The following PGBD5 variants were observed in gnomAD, a reference collection of about 807,000 sequenced individuals.
PGBD5 encodes the protein piggyBac transposable element-derived protein 5.
A neutral mutation model predicts 47.9 loss-of-function variants in PGBD5; 14 were observed. That is an observed-to-expected ratio of 0.29 (90% CI 0.19 to 0.46). The LOEUF is 0.46. PGBD5 is among the 20% of genes least tolerant of loss of function. The pLI, the probability that PGBD5 is intolerant of heterozygous loss-of-function variation, is 1.00. For synonymous variants in PGBD5, 316 were observed against 306.3 expected (o/e 1.03, Z -0.33); for missense variants, 635 against 716.0 (o/e 0.89, Z 1.29).
chr1:230,329,074 C>G (rs115477582), intron 5 of PGBD5, among the ~76,000 whole-genome samples: 88 of 152,076 alleles, frequency 5.8e-4, no homozygotes, highest in African/African-American at 2.0e-3. Context: ...CCCCACCCCC[C>G]AGTAGCTTGG....
intron 1 of PGBD5, among the ~76,000 whole-genome samples, chr1:230,384,816 TC>T (rs1444660234): frequency 2.0e-5 from 3 of 152,174 alleles, no homozygotes; most frequent in Non-Finnish European, 4.4e-5. Flanking sequence ...CTTCTCTACC[TC>T]CCTTCCTCCT....
intron 3 of PGBD5, among the ~76,000 whole-genome samples, chr1:230,347,239 G>A (rs1236838573): frequency 6.6e-6 from 1 of 152,082 alleles, no homozygotes; most frequent in East Asian, 1.9e-4. Context: ...AAGCACGAGT[G>A]TGTGTATATA....
At chr1:230,396,087 T>C (rs1656948213) in intron 1 of PGBD5, among the ~76,000 whole-genome samples, 1 of 147,866 alleles carries the variant, frequency 6.8e-6, no homozygotes, top group Admixed American at 6.7e-5. Context: ...TGCTTCCCTC[T>C]TTCTGCTCCT....
At chr1:230,356,860 C>G in intron 2 of PGBD5, 34 bp downstream of exon 2, 1 of 1,593,236 alleles carries the variant, frequency 6.3e-7, no homozygotes, top group Non-Finnish European at 8.6e-7. Flanking sequence ...GCGAGGACAC[C>G]TGGACAAGCT....
At chr1:230,405,901 T>C (rs919062060) in intron 1 of PGBD5, among the ~76,000 whole-genome samples, 4 of 152,264 alleles carry the variant, frequency 2.6e-5, no homozygotes, top group African/African-American at 4.8e-5. Context: ...ATCTCAGTGA[T>C]ATGCACAAGA....
Position 230,403,695 on chromosome 1 carries a change from G to A in PGBD5, c.331+21903C>T, listed in dbSNP as rs185153848. Among the ~76,000 whole-genome samples, 292 of 152,260 alleles carry A rather than the reference G, an allele frequency of 1.9e-3. 1 individual carries two copies. Among genetic ancestry groups the A allele is most frequent in the East Asian group, 8.7e-3 (45 of 5,174 alleles). On this transcript the variant is annotated intron_variant, in intron 1 of 6. Coordinates refer to ENST00000391860, the MANE Select transcript of PGBD5 (RefSeq NM_001258311.2). Reference sequence around the variant, plus strand: ...CCCACAAGTAAAGGGAAGGTCATGCGGGGTCCGCTCTGGACACAGAAGAGC... The same window carrying A: ...CCCACAAGTAAAGGGAAGGTCATGCAGGGTCCGCTCTGGACACAGAAGAGC...
intron 1 of PGBD5, among the ~76,000 whole-genome samples, chr1:230,407,222 T>C (rs546213105): frequency 2.0e-5 from 3 of 152,208 alleles, no homozygotes; most frequent in East Asian, 1.9e-4. Flanking sequence ...TTTTCAATAA[T>C]AGACCTCTTA....
intron 3 of PGBD5, among the ~76,000 whole-genome samples, chr1:230,337,857 C>T (rs1667350689): frequency 6.6e-6 from 1 of 152,106 alleles, no homozygotes; most frequent in African/African-American, 2.4e-5. Context: ...ACTCAGTCAG[C>T]AATTTTTAAA....
At chr1:230,402,771 A>G (rs1350778955) in intron 1 of PGBD5, among the ~76,000 whole-genome samples, 2 of 152,182 alleles carry the variant, frequency 1.3e-5, no homozygotes, top group African/African-American at 4.8e-5. Flanking sequence ...GATAGGCACG[A>G]GCCCCAGTGC....
intron 2 of PGBD5, among the ~76,000 whole-genome samples, chr1:230,353,348 C>T (rs1203509914): frequency 6.6e-6 from 1 of 152,174 alleles, no homozygotes; most frequent in Non-Finnish European, 1.5e-5. Context: ...CACAATCCCT[C>T]CCCGAAAATA....
intron 1 of PGBD5, among the ~76,000 whole-genome samples, chr1:230,411,869 A>G (rs1657417254): frequency 6.6e-6 from 1 of 152,238 alleles, no homozygotes; most frequent in African/African-American, 2.4e-5. Flanking sequence ...CATAGGAATA[A>G]TAGCAACAAA....
intron 5 of PGBD5, among the ~76,000 whole-genome samples, chr1:230,326,350 C>T (rs1368596256): frequency 6.6e-6 from 1 of 152,226 alleles, no homozygotes; most frequent in Middle Eastern, 3.4e-3. Context: ...ACTGGGAGGC[C>T]GAGGTTGCGG....
intron 1 of PGBD5, among the ~76,000 whole-genome samples, chr1:230,413,092 C>T (rs771309081): frequency 1.6e-4 from 24 of 152,020 alleles, no homozygotes; most frequent in Non-Finnish European, 2.6e-4. Context: ...CAAGGGCCTG[C>T]GGTACATTGT....
At chr1:230,344,628 C>G (rs555422675) in intron 3 of PGBD5, among the ~76,000 whole-genome samples, 1 of 152,210 alleles carries the variant, frequency 6.6e-6, no homozygotes, top group Non-Finnish European at 1.5e-5. Flanking sequence ...ACAGGGCACA[C>G]GGACCTCATT....
At chr1:230,399,894 G>A (rs991224478) in intron 1 of PGBD5, among the ~76,000 whole-genome samples, 3 of 152,202 alleles carry the variant, frequency 2.0e-5, no homozygotes, top group Non-Finnish European at 2.9e-5. Context: ...GCGTCTCATC[G>A]TCTCCACCAT....
chr1:230,384,758 T>A (rs1057366463), intron 1 of PGBD5, among the ~76,000 whole-genome samples: 6 of 152,154 alleles, frequency 3.9e-5, no homozygotes, highest in African/African-American at 9.7e-5. Flanking sequence ...ATGGGCATTG[T>A]GTGTGTTAAA....
chr1:230,358,015 CACAT>C (rs1558198703), intron 1 of PGBD5, among the ~76,000 whole-genome samples: 1 of 152,020 alleles, frequency 6.6e-6, no homozygotes, highest in Middle Eastern at 3.4e-3. Context: ...CACATATATA[CACAT>C]ACATACATTT....
intron 1 of PGBD5, among the ~76,000 whole-genome samples, chr1:230,393,575 C>T (rs1288874233): frequency 6.6e-5 from 10 of 152,100 alleles, no homozygotes; most frequent in Admixed American, 2.0e-4. Flanking sequence ...CGGTGGCTCA[C>T]GCCTGTAATC....
In PGBD5 at chr1:230,425,963, G is replaced by A; in HGVS notation, c.-35C>T. 1.1e-6 allele frequency: 1 copy of A among 907,518 alleles called. No individual in the cohort carries two copies. The highest frequency in any genetic ancestry group is 1.3e-6 in the Non-Finnish European group (1 of 769,296). The allele number at this position is 907,518 out of a possible 1,614,324, so 56.2% of individuals were successfully genotyped here. A position where few individuals can be genotyped will look rare whatever the true frequency, so the allele number is the denominator to read the frequency against. On this transcript the variant is annotated 5_prime_UTR_variant, in exon 1 of 7. Coordinates refer to ENST00000391860, the MANE Select transcript of PGBD5 (RefSeq NM_001258311.2). This position sits in a 1 kb window ranked among gnomAD's most constrained non-coding sequence, Gnocchi z 4.7. Reference sequence around the variant, plus strand: ...CGCCGCCCGCGCGCCCGCCCCCACAGTGCCTCCCAGCCGCACACGCCGGGC... The same window carrying A: ...CGCCGCCCGCGCGCCCGCCCCCACAATGCCTCCCAGCCGCACACGCCGGGC...
Sources: allele counts gnomAD v4.1 joint callset (sites outside exome capture counted in the v4.1 genomes callset), GRCh38; gene constraint gnomAD v4.1.1; non-coding constraint Gnocchi (gnomAD v3.1); transcripts MANE v1.5; gene names NCBI Gene and HGNC (gene_info 2026-07-23, HGNC 2026-07-21).